Variants in GATB observed in about 807,000 individuals in gnomAD.
The protein encoded by GATB is glutamyl-tRNA(Gln) amidotransferase subunit B, mitochondrial.
A neutral mutation model predicts 62.3 loss-of-function variants in GATB; 39 were observed. The ratio of observed to expected loss-of-function variants is 0.63; its 90% CI spans 0.48 to 0.82. The LOEUF (loss-of-function observed/expected upper bound fraction) is 0.82. Among genes scored for constraint, GATB ranks in the 40% least tolerant of loss-of-function variants. The pLI is 0.00. For missense variants in GATB, 670 were observed against 684.0 expected (o/e 0.98, Z 0.23); for synonymous variants, 276 against 258.9 (o/e 1.07, Z -0.63).
chr4:151,679,770 G>A (rs371087303), intron 11 of GATB, 43 bp downstream of exon 11: 192 of 1,523,714 alleles, frequency 1.3e-4, no homozygotes, highest in Non-Finnish European at 1.7e-4. Context: ...AACATTTCTT[G>A]GGACAGTAGC....
chr4:151,708,165 A>G (rs1738751950), intron 5 of GATB, 64 bp from the exon 6 acceptor site: 3 of 1,096,590 alleles, frequency 2.7e-6, no homozygotes, highest in Non-Finnish European at 4.2e-6. Flanking sequence ...TTTTAAAGGC[A>G]GGGAGTGTCA....
chr4:151,695,577 G>A (rs528779138), intron 9 of GATB, among the ~76,000 whole-genome samples: 42 of 152,046 alleles, frequency 2.8e-4, no homozygotes, highest in African/African-American at 9.9e-4. Flanking sequence ...CTCTCCCACC[G>A]ACGAGCTTCA....
At chr4:151,717,447 T>C (rs891108960) in intron 3 of GATB, 19 of 210,742 alleles carry the variant, frequency 9.0e-5, no homozygotes, top group African/African-American at 4.5e-4. Context: ...AAACTCTGCA[T>C]CTCATTACCA....
intron 2 of GATB, among the ~76,000 whole-genome samples, chr4:151,739,797 T>G (rs1269006070): frequency 6.6e-6 from 1 of 152,218 alleles, no homozygotes; most frequent in African/African-American, 2.4e-5. Flanking sequence ...GACAAGTGAC[T>G]TTGGGAAATG....
Position 151,685,438 on chromosome 4 carries a change from C to T in GATB, c.1331+3192G>A, listed in dbSNP as rs561951673. On this transcript the variant is annotated intron_variant, in intron 10 of 12. Coordinates refer to ENST00000263985, the MANE Select transcript of GATB (RefSeq NM_004564.3). Reference sequence around the variant, plus strand: ...TGGGTTCATGGCTGAATCCCCCTGACGTTCCAGAGGCTCCCTATTCCGGCT... The same window carrying T: ...TGGGTTCATGGCTGAATCCCCCTGATGTTCCAGAGGCTCCCTATTCCGGCT... 9.2e-5 allele frequency among the ~76,000 whole-genome samples: 14 copies of T among 152,326 alleles called. 1 individual carries two copies. The East Asian group carries it at 2.5e-3, about 27-fold the overall frequency.
chr4:151,727,879 T>C (rs1208707218), intron 2 of GATB, among the ~76,000 whole-genome samples: 4 of 152,212 alleles, frequency 2.6e-5, no homozygotes, highest in Non-Finnish European at 5.9e-5. Context: ...GAATCTTTCA[T>C]ATGTTAACTT....
Position 151,730,998 on chromosome 4 carries a change from C to G in GATB, c.328-11460G>C, listed in dbSNP as rs920013836. Among the ~76,000 whole-genome samples the G allele has an allele frequency of 6.6e-6, 1 of 152,158 alleles. No individual in the cohort carries two copies. The highest frequency in any genetic ancestry group is 2.4e-5 in the African/African-American group (1 of 41,442). On this transcript the variant is annotated intron_variant, in intron 2 of 12. Coordinates refer to ENST00000263985, the MANE Select transcript of GATB (RefSeq NM_004564.3). The surrounding 1 kb of genome is among the most constrained non-coding windows in gnomAD (Gnocchi z 4.1). ...TAATCAGGGAGGGACCAGAGAAAGGCGAAGCCCAATGCAAGGAAATCCAAA... is the reference window on the plus strand; with the variant it reads ...TAATCAGGGAGGGACCAGAGAAAGGGGAAGCCCAATGCAAGGAAATCCAAA...
At chr4:151,688,569 T>A (rs1026562654) in intron 10 of GATB, 61 bp downstream of exon 10, 6 of 1,530,658 alleles carry the variant, frequency 3.9e-6, no homozygotes, top group Middle Eastern at 1.7e-4. Context: ...CCTGCCCTAT[T>A]TCCAGCACTT....
intron 2 of GATB, among the ~76,000 whole-genome samples, chr4:151,750,276 T>C (rs1739693369): frequency 6.6e-6 from 1 of 152,172 alleles, no homozygotes; most frequent in Admixed American, 6.5e-5. Flanking sequence ...CCTTCCTAGG[T>C]CCCGTCCTGT....
intron 2 of GATB, chr4:151,719,852 C>T (rs1738993286): frequency 8.1e-6 from 2 of 247,090 alleles, no homozygotes. Flanking sequence ...GGAGTGGTTA[C>T]TACATAGAAT....
chr4:151,737,600 A>C (rs1265316721), intron 2 of GATB, among the ~76,000 whole-genome samples: 1 of 152,148 alleles, frequency 6.6e-6, no homozygotes. Context: ...ACAGGGGGAA[A>C]ATGTCTCCAG....
At chr4:151,690,443 T>C (rs1738340950) in intron 9 of GATB, among the ~76,000 whole-genome samples, 1 of 152,220 alleles carries the variant, frequency 6.6e-6, no homozygotes, top group Admixed American at 6.5e-5. Context: ...CTGCTTAACT[T>C]ATGGAAAAGT....
chr4:151,705,209 G>A lies in GATB; in HGVS notation c.938C>T (p.Thr313Ile). ...CCCCAGCTTGTGATGAAATGAGCGT[G>A]TTTCGTTCAGAATTTCACCTCCATT... ...LENGGEILNE[T>I]RSFHHKLGCT... is the part of the protein sequence containing the mutation. Residue 313 changes from threonine to isoleucine, a missense_variant, in exon 7 of 13, where the codon ACA becomes ATA. Thr to Ile is a moderately conservative substitution (Grantham distance 89, BLOSUM62 -1). Coordinates refer to ENST00000263985, the MANE Select transcript of GATB (RefSeq NM_004564.3). The A allele has an allele frequency of 1.2e-6, 2 of 1,613,270 alleles. No individual in the cohort carries two copies. The highest frequency in any genetic ancestry group is 1.7e-6 in the Non-Finnish European group (2 of 1,179,400).
At chr4:151,696,873 A>C (rs1239289286) in intron 9 of GATB, among the ~76,000 whole-genome samples, 1 of 152,240 alleles carries the variant, frequency 6.6e-6, no homozygotes, top group Admixed American at 6.5e-5. Flanking sequence ...TATAATAACT[A>C]CTACTGATAT....
intron 2 of GATB, chr4:151,724,412 A>T (rs1739089983): frequency 6.6e-6 from 1 of 152,196 alleles, no homozygotes; most frequent in South Asian, 2.1e-4. Flanking sequence ...TCCTAAGGTG[A>T]CCTTTTTGAA....
intron 2 of GATB, among the ~76,000 whole-genome samples, chr4:151,748,193 C>G (rs1387009590): frequency 6.6e-6 from 1 of 152,142 alleles, no homozygotes; most frequent in African/African-American, 2.4e-5. Flanking sequence ...CAAAAAAGAG[C>G]CCGCATTGCC....
At chr4:151,691,969 A>T (rs1253231541) in intron 9 of GATB, among the ~76,000 whole-genome samples, 1 of 152,174 alleles carries the variant, frequency 6.6e-6, no homozygotes. Context: ...AAGGTGCTCA[A>T]GAGTATCTGC....
intron 11 of GATB, among the ~76,000 whole-genome samples, chr4:151,677,122 G>A (rs748714407): frequency 1.3e-5 from 2 of 152,100 alleles, no homozygotes; most frequent in Admixed American, 6.5e-5. Context: ...TTCCAGTTCT[G>A]CCAGAGGCAA....
chr4:151,748,091 A>G (rs1159363870), intron 2 of GATB, among the ~76,000 whole-genome samples: 1 of 152,238 alleles, frequency 6.6e-6, no homozygotes, highest in African/African-American at 2.4e-5. Context: ...ATACTGCCCA[A>G]GGTAATTTAT....
Sources: gnomAD v4.1 joint callset for allele counts (sites outside exome capture counted in the v4.1 genomes callset) on GRCh38, gnomAD v4.1.1 for gene constraint, Gnocchi (gnomAD v3.1) non-coding constraint, MANE v1.5 for transcripts, NCBI Gene and HGNC (gene_info 2026-07-23, HGNC 2026-07-21) for gene names.